MCTP2: variants seen among roughly 807,000 people sequenced by gnomAD.
MCTP2 encodes the protein multiple C2 and transmembrane domain containing 2.
In MCTP2, 132 loss-of-function variants were observed where a neutral mutation model predicts 111.6. The observed-to-expected ratio is 1.18, with a 90% confidence interval of 1.03 to 1.37. The LOEUF (loss-of-function observed/expected upper bound fraction) is 1.37. Among genes scored for constraint, MCTP2 ranks in the 40% most tolerant of loss-of-function variants. The pLI, the probability that MCTP2 is intolerant of heterozygous loss-of-function variation, is 0.00. For missense variants in MCTP2, 1,183 were observed against 1,067.9 expected (o/e 1.11, Z -1.50); for synonymous variants, 395 against 387.7 (o/e 1.02, Z -0.22).
intron 14 of MCTP2, among the ~76,000 whole-genome samples, chr15:94,395,110 T>C (rs911813842): frequency 6.6e-6 from 1 of 152,180 alleles, no homozygotes; most frequent in African/African-American, 2.4e-5. Flanking sequence ...GTGACAAGAA[T>C]GTGAATGGAT....
chr15:94,377,681 G>C (rs993688146), intron 12 of MCTP2, among the ~76,000 whole-genome samples: 1 of 152,114 alleles, frequency 6.6e-6, no homozygotes, highest in Non-Finnish European at 1.5e-5. Context: ...AGGAGGAATT[G>C]GTCCCTGACC....
intron 9 of MCTP2, among the ~76,000 whole-genome samples, chr15:94,357,841 G>A (rs189771938): frequency 1.3e-5 from 2 of 152,158 alleles, no homozygotes; most frequent in Admixed American, 6.6e-5. Context: ...TAAACCAAAC[G>A]TAGAAGCAGT....
intron 12 of MCTP2, among the ~76,000 whole-genome samples, chr15:94,372,641 C>T (rs562351043): frequency 1.3e-5 from 2 of 152,192 alleles, no homozygotes; most frequent in South Asian, 2.1e-4. Context: ...GAAAAGCCAA[C>T]CATTTTTGTC....
At position 94,300,367 on chromosome 15, in the gene MCTP2, G is replaced by T. The variant is rs185470148; in HGVS notation, c.465+1637G>T. On this transcript the variant is annotated intron_variant, in intron 2 of 22. Transcript: ENST00000357742. ...TACTAAAAATACAAAAAAATTAGCC[G>T]GGCGTGGTGGCGGGCACCTGTAGTC... Among the ~76,000 whole-genome samples, 4 of 151,820 alleles carry T rather than the reference G, an allele frequency of 2.6e-5. No individual in the cohort carries two copies. The East Asian group carries it at 5.8e-4, about 22-fold the overall frequency.
At chr15:94,236,473 C>T (rs895876136) in intron 1 of MCTP2, among the ~76,000 whole-genome samples, 5 of 130,236 alleles carry the variant, frequency 3.8e-5, no homozygotes, top group South Asian at 2.5e-4. Flanking sequence ...GATATGTGTG[C>T]GAGTGCGTAG....
At position 94,454,390 on chromosome 15, in the gene MCTP2, C is replaced by G. The variant is rs181352014; in HGVS notation, c.2251-3747C>G. Among the ~76,000 whole-genome samples the G allele has an allele frequency of 1.2e-4, 19 of 152,238 alleles. 1 individual carries two copies. The East Asian group carries it at 3.7e-3, about 29-fold the overall frequency. On this transcript the variant is annotated intron_variant, in intron 19 of 22. Coordinates refer to ENST00000357742, the MANE Select transcript of MCTP2 (RefSeq NM_001385001.1). ...ACAAGCAATAATGTTCCACCACTTG[C>G]AAAGTTGTAGTGTCCACACTTACAA...
At chr15:94,239,626 C>T (rs953681661) in intron 1 of MCTP2, among the ~76,000 whole-genome samples, 16 of 152,202 alleles carry the variant, frequency 1.1e-4, no homozygotes, top group Admixed American at 6.5e-4. Flanking sequence ...GAATCCTTGG[C>T]GGAAGTTGCC....
intron 7 of MCTP2, chr15:94,344,152 A>G (rs2077828205): frequency 6.6e-6 from 1 of 152,052 alleles, no homozygotes; most frequent in African/African-American, 2.4e-5. Flanking sequence ...TCCCAATATC[A>G]CTGGGGGACA....
chr15:94,329,690 G>T (rs543808290), intron 4 of MCTP2, among the ~76,000 whole-genome samples: 3 of 152,190 alleles, frequency 2.0e-5, no homozygotes, highest in Admixed American at 2.0e-4. Context: ...CAACATTAGG[G>T]ATTACACCTC....
At chr15:94,420,550 C>T (rs932985233) in intron 17 of MCTP2, among the ~76,000 whole-genome samples, 10 of 151,900 alleles carry the variant, frequency 6.6e-5, no homozygotes, top group East Asian at 1.9e-4. Flanking sequence ...TAGAAGGAGT[C>T]GATTGCAGCC....
chr15:94,384,253 T>A, intron 13 of MCTP2, 129 bp downstream of exon 13: 4 of 587,400 alleles, frequency 6.8e-6, no homozygotes, highest in East Asian at 6.0e-5. Context: ...TTGAAAACCT[T>A]GTATCCTTTC....
chr15:94,331,380 T>C (rs560088424), intron 4 of MCTP2, among the ~76,000 whole-genome samples: 83 of 151,720 alleles, frequency 5.5e-4, no homozygotes, highest in Admixed American at 3.1e-3. Context: ...AAAGGGGAAG[T>C]GTAAGGACAG....
chr15:94,455,445 GTT>G (rs531272807), intron 19 of MCTP2, among the ~76,000 whole-genome samples: 1 of 144,134 alleles, frequency 6.9e-6, no homozygotes, highest in Non-Finnish European at 1.5e-5. Context: ...TCTTTCTGTT[GTT>G]TTTTTTTTTT....
At chr15:94,477,932 C>G (rs1441572478) in intron 22 of MCTP2, among the ~76,000 whole-genome samples, 1 of 152,170 alleles carries the variant, frequency 6.6e-6, no homozygotes, top group Non-Finnish European at 1.5e-5. Flanking sequence ...CCTCTGCTCC[C>G]TTAGGGCACC....
At chr15:94,262,463 TTAATTGTTAAA>T (rs1437856201) in intron 1 of MCTP2, among the ~76,000 whole-genome samples, 1 of 152,190 alleles carries the variant, frequency 6.6e-6, no homozygotes, top group Non-Finnish European at 1.5e-5. Flanking sequence ...AAATTTAACT[TTAATTGTTAAA>T]GCAAATCTAA....
At chr15:94,366,418 C>G (rs2079187646) in intron 10 of MCTP2, among the ~76,000 whole-genome samples, 1 of 152,050 alleles carries the variant, frequency 6.6e-6, no homozygotes, top group Non-Finnish European at 1.5e-5. Context: ...GTAATAAAGT[C>G]TAGTAGAGTC....
chr15:94,274,773 T>G lies in MCTP2; in HGVS notation c.-65-23428T>G, dbSNP rs542861628. On this transcript the variant is annotated intron_variant, in intron 1 of 22. Coordinates refer to ENST00000357742, the MANE Select transcript of MCTP2 (RefSeq NM_001385001.1). ...CATGCATGCCAGAGAGCTTTACTGA[T>G]GCATCCTTTTAAAAAATGCCACCAA... Among the ~76,000 whole-genome samples the G allele has an allele frequency of 2.0e-5, 3 of 152,286 alleles. No homozygotes were observed. In the East Asian group the frequency reaches 5.8e-4, roughly 29 times the overall value.
chr15:94,402,506 CCT>C (rs1308082128), intron 17 of MCTP2: 6 of 1,551,638 alleles, frequency 3.9e-6, no homozygotes, highest in South Asian at 3.6e-5. Flanking sequence ...AGGAACCACC[CCT>C]GTCTATGAAA....
chr15:94,452,358 T>C (rs928992394), intron 19 of MCTP2, among the ~76,000 whole-genome samples: 1 of 152,142 alleles, frequency 6.6e-6, no homozygotes, highest in Non-Finnish European at 1.5e-5. Context: ...CAATGCAAAT[T>C]GAGAGAACAA....
Sources: gnomAD v4.1 joint callset for allele counts (sites outside exome capture counted in the v4.1 genomes callset) on GRCh38, gnomAD v4.1.1 for gene constraint, MANE v1.5 for transcripts, NCBI Gene and HGNC (gene_info 2026-07-23, HGNC 2026-07-21) for gene names.